The following EVI5 variants were observed in gnomAD, a reference collection of about 807,000 sequenced individuals.
The protein encoded by EVI5 is ecotropic viral integration site 5, also known as ecotropic viral integration site 5 protein homolog.
A neutral mutation model predicts 112.0 loss-of-function variants in EVI5; 73 were observed. The ratio of observed to expected loss-of-function variants is 0.65; its 90% confidence interval spans 0.54 to 0.79. The LOEUF (loss-of-function observed/expected upper bound fraction) is 0.79, where lower values mean the gene tolerates loss of function less well. Among genes scored for constraint, EVI5 ranks in the 30% least tolerant of loss-of-function variants. The pLI is 0.00. For missense variants in EVI5, 900 were observed against 968.8 expected (o/e 0.93, Z 0.94); for synonymous variants, 305 against 319.9 (o/e 0.95, Z 0.50).
At chr1:92,614,706 C>A (rs1374847459) in intron 16 of EVI5, among the ~76,000 whole-genome samples, 1 of 151,600 alleles carries the variant, frequency 6.6e-6, no homozygotes, top group Non-Finnish European at 1.5e-5. Flanking sequence ...TCTCCTTGCT[C>A]CTCATCTTGC....
intron 2 of EVI5, among the ~76,000 whole-genome samples, chr1:92,713,821 C>T (rs948031382): frequency 6.6e-5 from 10 of 152,076 alleles, no homozygotes; most frequent in African/African-American, 2.4e-4. Context: ...CATATCTCAG[C>T]CCCCAAAATA....
At chr1:92,594,073 T>C (rs1388706902) in intron 18 of EVI5, among the ~76,000 whole-genome samples, 3 of 152,034 alleles carry the variant, frequency 2.0e-5, no homozygotes, top group East Asian at 3.9e-4. Context: ...AAAACTAAAG[T>C]TCATATGGAA....
Position 92,607,731 on chromosome 1 carries a change from A to G in EVI5, c.1828-4T>C. On this transcript the variant is annotated splice_region_variant and splice_polypyrimidine_tract_variant and intron_variant, in intron 16 of 19. Transcript: ENST00000684568. ...GATGGTTACTATTGATCTGGTTCTA[A>G]TAATCAGAAATATAAATACTGAGAC... 6.3e-7 allele frequency: 1 copy of G among 1,576,666 alleles called. No individual in the cohort carries two copies.
intron 19 of EVI5, among the ~76,000 whole-genome samples, chr1:92,550,781 AATAT>A (rs1330757944): frequency 0.013 from 266 of 20,310 alleles, 7 homozygotes; most frequent in African/African-American, 0.025. Context: ...AAAAAAAAAA[AATAT>A]ATATATATAT....
At chr1:92,723,825 A>G (rs1249676003) in intron 2 of EVI5, among the ~76,000 whole-genome samples, 1 of 152,182 alleles carries the variant, frequency 6.6e-6, no homozygotes, top group Non-Finnish European at 1.5e-5. Flanking sequence ...TTTCCCAGCA[A>G]GGAATAACCC....
chr1:92,639,919 A>C (rs1659609462), intron 13 of EVI5, among the ~76,000 whole-genome samples: 1 of 152,206 alleles, frequency 6.6e-6, no homozygotes, highest in Admixed American at 6.5e-5. Flanking sequence ...CCAAAAAGAC[A>C]TATAAACCAA....
chr1:92,619,091 A>C (rs1266127810), intron 16 of EVI5, among the ~76,000 whole-genome samples: 2 of 152,196 alleles, frequency 1.3e-5, no homozygotes, highest in Non-Finnish European at 2.9e-5. Context: ...GTGATGGTTA[A>C]TACTGAGTTA....
intron 13 of EVI5, among the ~76,000 whole-genome samples, chr1:92,658,041 C>A (rs368430274): frequency 1.1e-4 from 17 of 152,136 alleles, no homozygotes; most frequent in African/African-American, 4.1e-4. Context: ...AACATGAAAT[C>A]TGGAAGGGAG....
chr1:92,552,110 T>C (rs1054876126), intron 19 of EVI5, among the ~76,000 whole-genome samples: 1 of 124,330 alleles, frequency 8.0e-6, no homozygotes, highest in Non-Finnish European at 1.6e-5. Flanking sequence ...CGAGGACTAA[T>C]GGGGCTGTAG....
chr1:92,579,820 C>T (rs1307316713), intron 18 of EVI5, among the ~76,000 whole-genome samples: 5 of 152,248 alleles, frequency 3.3e-5, no homozygotes, highest in South Asian at 2.1e-4. Context: ...TGTGAGCCCC[C>T]GTGCCCAACC....
intron 13 of EVI5, among the ~76,000 whole-genome samples, chr1:92,639,700 A>T (rs1271480135): frequency 6.6e-6 from 1 of 152,210 alleles, no homozygotes; most frequent in East Asian, 1.9e-4. Flanking sequence ...TGCCCAAAGT[A>T]ATTATAGATT....
chr1:92,771,680 C>T (rs1683430679), intron 1 of EVI5, among the ~76,000 whole-genome samples: 1 of 151,338 alleles, frequency 6.6e-6, no homozygotes, highest in South Asian at 2.1e-4. Context: ...GATCTCGGCT[C>T]ACCACAATCT....
At position 92,761,045 on chromosome 1, in the gene EVI5, G is replaced by A. The variant is rs182687894; in HGVS notation, c.-82+23791C>T. Among the ~76,000 whole-genome samples, 303 of 117,920 alleles carry A rather than the reference G, an allele frequency of 2.6e-3. No homozygotes were observed. The East Asian group carries it at 0.028, about 11-fold the overall frequency. 77.4% of individuals were successfully genotyped at this position (117,920 alleles called of 152,430 possible). A position where few individuals can be genotyped will look rare whatever the true frequency, so the allele number is the denominator to read the frequency against. On this transcript the variant is annotated intron_variant, in intron 1 of 19. Coordinates refer to ENST00000684568, the MANE Select transcript of EVI5 (RefSeq NM_001350197.2). ...TGCACTCCAGCCCGGGCAACACAGC[G>A]AGGCTCCATCTCAAAAAAAAAAAAA...
chr1:92,767,422 A>C (rs1334069451), intron 1 of EVI5, among the ~76,000 whole-genome samples: 2 of 152,238 alleles, frequency 1.3e-5, no homozygotes, highest in Admixed American at 1.3e-4. Flanking sequence ...ATTTGGTCCC[A>C]TCCACAGTTT....
At chr1:92,604,877 G>A (rs759501124) in intron 18 of EVI5, among the ~76,000 whole-genome samples, 15 of 152,116 alleles carry the variant, frequency 9.9e-5, no homozygotes, top group Admixed American at 3.3e-4. Flanking sequence ...TATGCTGTCC[G>A]TCACTGAAAT....
At chr1:92,786,436 G>T (rs890663245), upstream of EVI5, among the ~76,000 whole-genome samples, 1 of 152,054 alleles carries the variant, frequency 6.6e-6, no homozygotes, top group African/African-American at 2.4e-5. Context: ...CTCAATCCTT[G>T]TATAAGAAAA....
In EVI5 at chr1:92,609,594, G is replaced by A. The variant is rs998847719; in HGVS notation, c.1828-1867C>T. 3.3e-5 allele frequency among the ~76,000 whole-genome samples: 5 copies of A among 152,202 alleles called. No homozygotes were observed. In the East Asian group the frequency reaches 9.7e-4, roughly 29 times the overall value. ...GCTGGTCTCGAACTCCTAACCTCAA[G>A]TAATCCGCCCGCCTCAGCCTCCCAA... On this transcript the variant is annotated intron_variant, in intron 16 of 19. Coordinates refer to ENST00000684568, the MANE Select transcript of EVI5 (RefSeq NM_001350197.2).
At chr1:92,567,615 T>G (rs1200592722) in intron 18 of EVI5, among the ~76,000 whole-genome samples, 1 of 152,256 alleles carries the variant, frequency 6.6e-6, no homozygotes, top group Non-Finnish European at 1.5e-5. Context: ...GGCTATACCA[T>G]ATAGCCTAGG....
rs1407801978 is a variant in EVI5 at position 92,607,659 on chromosome 1, C to T, written c.1896G>A (p.Gln632=). The change falls in exon 17 of 20, where the codon CAG becomes CAA. Residue 632 remains glutamine (Q), a synonymous_variant. Transcript: ENST00000684568. The part of the protein sequence containing the change: ...QEVISLQEKV[Q]YLSAQNKGLL... Reference sequence around the variant, plus strand: ...GTCCTTTGTTCTGTGCAGAAAGATACTGCACTTTCTCCTGTAGGCTAATCA... The same window carrying T: ...GTCCTTTGTTCTGTGCAGAAAGATATTGCACTTTCTCCTGTAGGCTAATCA... 2 of 1,606,296 alleles carry T rather than the reference C, an allele frequency of 1.2e-6. No homozygotes were observed. The highest frequency in any genetic ancestry group is 1.7e-6 in the Non-Finnish European group (2 of 1,175,828).
Sources: gnomAD v4.1 joint callset for allele counts (sites outside exome capture counted in the v4.1 genomes callset) on GRCh38, gnomAD v4.1.1 for gene constraint, MANE v1.5 for transcripts, NCBI Gene and HGNC (gene_info 2026-07-23, HGNC 2026-07-21) for gene names.